WSB2: variants seen among roughly 807,000 people sequenced by gnomAD.
WSB2 encodes WD repeat and SOCS box containing 2.
Under a neutral mutation model 48.8 loss-of-function variants are expected in WSB2, and 12 were observed. That is an observed-to-expected ratio of 0.25 (90% CI 0.16 to 0.40). The LOEUF is 0.40. Ranked by LOEUF, WSB2 falls within the 10% of genes least tolerant of loss-of-function variation. The pLI, the probability that WSB2 is intolerant of heterozygous loss-of-function variation, is 1.00. For synonymous variants in WSB2, 191 were observed against 203.1 expected (o/e 0.94, Z 0.51); for missense variants, 317 against 506.2 (o/e 0.63, Z 3.59).
intron 1 of WSB2, among the ~76,000 whole-genome samples, chr12:118,056,070 C>T (rs1479479731): frequency 2.0e-5 from 3 of 152,220 alleles, no homozygotes; most frequent in East Asian, 1.9e-4. Context: ...GCTGCTCTCC[C>T]GGCTTCCCCT....
intron 4 of WSB2, 24 bp downstream of exon 4, chr12:118,042,817 G>A (rs760162725): frequency 2.9e-5 from 47 of 1,608,418 alleles, no homozygotes; most frequent in Non-Finnish European, 3.3e-5. Flanking sequence ...TGGAGTTGCC[G>A]AGTAGTTCCT....
At chr12:118,049,181 T>C (rs2031802020) in intron 2 of WSB2, among the ~76,000 whole-genome samples, 1 of 152,170 alleles carries the variant, frequency 6.6e-6, no homozygotes. Context: ...TAGTAAACAA[T>C]GTATGACCTT....
At position 118,033,360 on chromosome 12, in the gene WSB2, G is replaced by A. The variant is rs1208899408; in HGVS notation, c.*836C>T. On this transcript the variant is annotated 3_prime_UTR_variant, in exon 9 of 9. Coordinates refer to ENST00000315436, the MANE Select transcript of WSB2 (RefSeq NM_018639.5). The stretch of plus-strand genomic sequence containing the variant: ...TGCAACTGTTCAATTTAAGTACTAT[G>A]GTTTTTAGATAATCGAGAAAAACAC... 6.6e-6 allele frequency: 1 copy of A among 152,436 alleles called. No individual in the cohort carries two copies. Among genetic ancestry groups the A allele is most frequent in the Non-Finnish European group, 1.5e-5 (1 of 68,018 alleles). The allele number at this position is 152,436 out of a possible 1,614,324, so 9.4% of individuals were successfully genotyped here.
At chr12:118,052,680 T>C (rs1566142167) in intron 1 of WSB2, 8 of 708,706 alleles carry the variant, frequency 1.1e-5, no homozygotes, top group Non-Finnish European at 1.6e-5. Context: ...TCCTCACTGC[T>C]GGTTAACCAT....
chr12:118,054,575 C>T (rs1326206338), intron 1 of WSB2, among the ~76,000 whole-genome samples: 1 of 151,914 alleles, frequency 6.6e-6, no homozygotes, highest in Non-Finnish European at 1.5e-5. Flanking sequence ...AGGGCTGAGG[C>T]AGGAGAATCG....
rs2031872501 is a variant in WSB2 at position 118,052,464 on chromosome 12, G to A, written c.28C>T (p.Leu10=). Residue 10 remains leucine (L), a synonymous_variant, in exon 2 of 9, where the codon CTG becomes TTG. Transcript: ENST00000315436. ...GGGCGCCCGGGCTTGAGTTCGGCCA[G>A]CAGCAGCGGTTCCTCTGGGGCAGGA... is the stretch of plus-strand genomic sequence containing the variant. The part of the protein sequence containing the change: MEAGEEPLL[L]AELKPGRPHQ... The A allele has an allele frequency of 6.2e-7, 1 of 1,614,106 alleles. No homozygotes were observed. The highest frequency in any genetic ancestry group is 2.2e-5 in the East Asian group (1 of 44,884).
upstream of WSB2, chr12:118,061,217 G>A: frequency 1.0e-6 from 1 of 983,580 alleles, no homozygotes; most frequent in Non-Finnish European, 1.2e-6. Flanking sequence ...GAGACGCGCG[G>A]GGGCGGGGCG....
chr12:118,041,666 C>T (rs2031638929), intron 4 of WSB2, among the ~76,000 whole-genome samples: 1 of 152,060 alleles, frequency 6.6e-6, no homozygotes, highest in Non-Finnish European at 1.5e-5. Flanking sequence ...TGCCTCCTTC[C>T]AATCCCTCCA....
At chr12:118,036,201 CAA>C (rs1301377837) in intron 6 of WSB2, 135 bp downstream of exon 6, 2 of 1,079,834 alleles carry the variant, frequency 1.9e-6, no homozygotes, top group Non-Finnish European at 2.7e-6. Context: ...GACTCCGTCT[CAA>C]AAGAGACCCA....
chr12:118,054,390 C>A (rs541670637), intron 1 of WSB2, among the ~76,000 whole-genome samples: 1 of 145,504 alleles, frequency 6.9e-6, no homozygotes, highest in African/African-American at 2.5e-5. Context: ...GACTCTGTCT[C>A]AAAAAAAAAT....
At position 118,035,090 on chromosome 12, in the gene WSB2, G is replaced by A. The variant is rs1752297558; in HGVS notation, c.948C>T (p.Leu316=). 1.9e-6 allele frequency: 3 copies of A among 1,614,158 alleles called. No individual in the cohort carries two copies. Among genetic ancestry groups the A allele is most frequent in the Admixed American group, 1.7e-5 (1 of 60,018 alleles). Residue 316 remains leucine, a synonymous_variant, in exon 8 of 9, where the codon CTC becomes CTT. Coordinates refer to ENST00000315436, the MANE Select transcript of WSB2 (RefSeq NM_018639.5). ...LYLATVADDR[L]LRIWALELKT... is the part of the protein sequence containing the mutation. ...TCAGTTCCAGGGCCCAGATCCTGAGGAGTCTGGATGGGGAGAGAGAACATC... is the reference window on the plus strand; with the variant it reads ...TCAGTTCCAGGGCCCAGATCCTGAGAAGTCTGGATGGGGAGAGAGAACATC...
At chr12:118,050,697 G>A (rs868680766) in intron 2 of WSB2, among the ~76,000 whole-genome samples, 10 of 151,950 alleles carry the variant, frequency 6.6e-5, no homozygotes, top group South Asian at 2.1e-4. Context: ...AGACAAAAAC[G>A]AGCAAAGGCT....
intron 1 of WSB2, among the ~76,000 whole-genome samples, chr12:118,053,415 C>G (rs562977707): frequency 2.0e-5 from 3 of 152,328 alleles, no homozygotes; most frequent in Admixed American, 1.3e-4. Context: ...AGATTCACAA[C>G]TAAGAAGCGT....
Position 118,035,012 on chromosome 12 carries a change from A to C in WSB2, c.1026T>G (p.Phe342Leu). 6.2e-7 allele frequency: 1 copy of C among 1,614,196 alleles called. No homozygotes were observed. The highest frequency in any genetic ancestry group is 1.1e-5 in the South Asian group (1 of 91,078). ...PMTNGLCCTF[F>L]PHGGVIATGT... is the part of the protein sequence containing the mutation. Reference sequence around the variant, plus strand: ...CTGTGGCAATGACTCCACCATGTGGAAAAAATGTGCAGCAAAGCCCATTGG... The same window carrying C: ...CTGTGGCAATGACTCCACCATGTGGCAAAAATGTGCAGCAAAGCCCATTGG... The change falls in exon 8 of 9, where the codon TTT becomes TTG. Residue 342 changes from phenylalanine (F) to leucine (L), a missense_variant. Phe to Leu is a conservative substitution (Grantham distance 22, BLOSUM62 0). Coordinates refer to ENST00000315436, the MANE Select transcript of WSB2 (RefSeq NM_018639.5).
At chr12:118,041,454 T>A (rs2031634118) in intron 4 of WSB2, among the ~76,000 whole-genome samples, 1 of 152,146 alleles carries the variant, frequency 6.6e-6, no homozygotes, top group African/African-American at 2.4e-5. Context: ...AGCCACCCAG[T>A]CTCTGGCATT....
At chr12:118,053,455 TAA>T (rs1358610990) in intron 1 of WSB2, among the ~76,000 whole-genome samples, 5 of 152,166 alleles carry the variant, frequency 3.3e-5, no homozygotes, top group Non-Finnish European at 7.4e-5. Context: ...AAAACGGAAA[TAA>T]GTCGCACCTT....
At chr12:118,047,345 G>C (rs1205744301) in intron 2 of WSB2, among the ~76,000 whole-genome samples, 1 of 152,144 alleles carries the variant, frequency 6.6e-6, no homozygotes, top group Non-Finnish European at 1.5e-5. Context: ...CAGGGAGGTC[G>C]TACCGTGGGA....
intron 1 of WSB2, among the ~76,000 whole-genome samples, chr12:118,054,526 C>G (rs532276381): frequency 6.6e-6 from 1 of 151,772 alleles, no homozygotes; most frequent in East Asian, 1.9e-4. Context: ...CAAAATAAGC[C>G]GGGCTTGGTG....
chr12:118,037,975 C>A, intron 5 of WSB2: 1 of 225,668 alleles, frequency 4.4e-6, no homozygotes, highest in Admixed American at 5.4e-5. Context: ...AATTTGGATT[C>A]ACATGTGGGC....
Sources: allele counts gnomAD v4.1 joint callset (sites outside exome capture counted in the v4.1 genomes callset), GRCh38; gene constraint gnomAD v4.1.1; transcripts MANE v1.5; gene names NCBI Gene and HGNC (gene_info 2026-07-23, HGNC 2026-07-21).